Variants in C1orf210 observed in about 807,000 individuals in gnomAD.
C1orf210 encodes chromosome 1 open reading frame 210.
C1orf210 carries 3 observed loss-of-function variants against 3.7 expected under a neutral mutation model. The ratio of observed to expected loss-of-function variants is 0.81; its 90% CI spans 0.37 to 2.08. The LOEUF (loss-of-function observed/expected upper bound fraction) is 2.08. Ranked by LOEUF, C1orf210 falls within the 30% of genes most tolerant of loss-of-function variation. C1orf210 has a pLI of 0.06. For missense variants in C1orf210, 143 were observed against 147.7 expected (o/e 0.97, Z 0.17); for synonymous variants, 62 against 61.7 (o/e 1.00, Z -0.02).
rs148291152 is a variant in C1orf210, at chr1:43,282,878, A to C, written c.249T>G (p.Asp83Glu). The stretch of plus-strand genomic sequence containing the variant: ...CCTCGATGAAGCCATCATCATCCTC[A>C]TCTTCAGCCACCTGTGGGCGGCCTC... ...GRGGRPQVAE[D>E]EDDDGFIEDN... The change falls in exon 3 of 3, where the codon GAT becomes GAG. Residue 83 changes from aspartate (D) to glutamate (E), a missense_variant. By Grantham distance (45) the Asp-to-Glu change is conservative. Transcript: ENST00000523677. The C allele has an allele frequency of 2.1e-4, 340 of 1,613,854 alleles. No individual in the cohort carries two copies. Among genetic ancestry groups the C allele is most frequent in the Non-Finnish European group, 2.7e-4 (316 of 1,179,896 alleles).
chr1:43,282,513 C>T lies in C1orf210; in HGVS notation c.*272G>A, dbSNP rs753984075. 1.6e-4 allele frequency: 66 copies of T among 401,618 alleles called. No individual in the cohort carries two copies. The highest frequency in any genetic ancestry group is 4.6e-4 in the Admixed American group (11 of 24,154). The allele number at this position is 401,618 out of a possible 1,614,324, so 24.9% of individuals were successfully genotyped here. On this transcript the variant is annotated 3_prime_UTR_variant, in exon 3 of 3. Coordinates refer to ENST00000523677, the MANE Select transcript of C1orf210 (RefSeq NM_182517.3). ...AAGGCAAGAAAAGAAACCAAGAGGCCGAGAGGCATGATCACAGAGGGCCTT... is the reference window on the plus strand; with the variant it reads ...AAGGCAAGAAAAGAAACCAAGAGGCTGAGAGGCATGATCACAGAGGGCCTT...
At chr1:43,285,784 C>T (rs1244841406), upstream of C1orf210, among the ~76,000 whole-genome samples, 1 of 152,160 alleles carries the variant, frequency 6.6e-6, no homozygotes, top group Non-Finnish European at 1.5e-5. Context: ...CTCACCCTCA[C>T]CCCCCAATGC....
chr1:43,283,174 T>G (rs559231611), intron 2 of C1orf210, 67 bp from the exon 3 acceptor site: 1 of 1,598,240 alleles, frequency 6.3e-7, no homozygotes, highest in South Asian at 1.1e-5. Flanking sequence ...CCAAGAGCAG[T>G]GCAGGTAGGG....
rs775253791 is a variant in C1orf210, at chr1:43,283,295, G to A, written c.-25C>T. 1.5e-5 allele frequency: 24 copies of A among 1,613,516 alleles called. No individual in the cohort carries two copies. The highest frequency in any genetic ancestry group is 2.0e-5 in the Non-Finnish European group (24 of 1,179,764). On this transcript the variant is annotated 5_prime_UTR_variant, in exon 2 of 3. Coordinates refer to ENST00000523677, the MANE Select transcript of C1orf210 (RefSeq NM_182517.3). ...TGGAGGGGCCTGATGACACCAGTGA[G>A]TCTCAGCCTCAACCAGAAAGAGCCC... is the stretch of plus-strand genomic sequence containing the variant.
At chr1:43,285,063 G>A (rs1198608506) in intron 1 of C1orf210, among the ~76,000 whole-genome samples, 2 of 152,180 alleles carry the variant, frequency 1.3e-5, no homozygotes, top group Non-Finnish European at 2.9e-5. Flanking sequence ...TTAACGAGGG[G>A]AGCGTGAGAG....
Position 43,282,480 on chromosome 1 carries a change from A to G in C1orf210, c.*305T>C. On this transcript the variant is annotated 3_prime_UTR_variant, in exon 3 of 3. Transcript: ENST00000523677. The stretch of plus-strand genomic sequence containing the variant: ...AGAATAACATTGATTTCGACAGTAA[A>G]GTAGGGGAAGGCAAGAAAAGAAACC... The G allele has an allele frequency of 3.0e-6, 1 of 329,544 alleles. No individual in the cohort carries two copies. The highest frequency in any genetic ancestry group is 5.5e-6 in the Non-Finnish European group (1 of 180,630). The allele number at this position is 329,544 out of a possible 1,614,324, so 20.4% of individuals were successfully genotyped here. A position where few individuals can be genotyped will look rare whatever the true frequency, so the allele number is the denominator to read the frequency against.
chr1:43,282,804 C>T lies in C1orf210; in HGVS notation c.323G>A (p.Arg108Lys). 1 of 1,602,692 alleles carries T rather than the reference C, an allele frequency of 6.2e-7. No individual in the cohort carries two copies. The highest frequency in any genetic ancestry group is 8.5e-7 in the Non-Finnish European group (1 of 1,173,770). ...GGGAGCTCAGAGGGAGAAGTGGTCC[C>T]TGCTACCCTCTGTCCCCAGCTCGCC... ...GTGELGTEGS[R>K]DHFSL is the part of the protein sequence containing the mutation. The change falls in exon 3 of 3, where the codon AGG (arginine) becomes AAG (lysine). Residue 108 changes from arginine to lysine, a missense_variant. Arg to Lys is a conservative substitution (Grantham distance 26). Coordinates refer to ENST00000523677, the MANE Select transcript of C1orf210 (RefSeq NM_182517.3).
chr1:43,282,425 G>A lies in C1orf210; in HGVS notation c.*360C>T, dbSNP rs1646552347. ...GGGACCAATGTGAGCAAAGGTGCCT[G>A]GGGAAACTGCATGGGAAGTGGTGGG... On this transcript the variant is annotated 3_prime_UTR_variant, in exon 3 of 3. Coordinates refer to ENST00000523677, the MANE Select transcript of C1orf210 (RefSeq NM_182517.3). The A allele has an allele frequency of 9.4e-6, 2 of 213,754 alleles. No individual in the cohort carries two copies. The highest frequency in any genetic ancestry group is 4.6e-5 in the African/African-American group (2 of 43,440). 13.2% of individuals were successfully genotyped at this position (213,754 alleles called of 1,614,324 possible). A position where few individuals can be genotyped will look rare whatever the true frequency, so the allele number is the denominator to read the frequency against.
intron 1 of C1orf210, among the ~76,000 whole-genome samples, chr1:43,284,617 C>T (rs1308014238): frequency 2.6e-5 from 4 of 152,120 alleles, no homozygotes; most frequent in African/African-American, 9.7e-5. Context: ...GAGTGATGGG[C>T]CTACAACCCA....
rs755173042 is a variant in C1orf210 at position 43,283,241 on chromosome 1, C to T, written c.19+11G>A. 4.9e-5 allele frequency: 79 copies of T among 1,613,536 alleles called. No homozygotes were observed. The highest frequency in any genetic ancestry group is 6.4e-5 in the Non-Finnish European group (75 of 1,179,616). On this transcript the variant is annotated intron_variant, in intron 2 of 2. Transcript: ENST00000523677. ...GCCCCCCACCCCCATCATCCTCCCA[C>T]TGTCACTCACTTTTGTTTGTCTCAT... is the stretch of plus-strand genomic sequence containing the variant.
In C1orf210 at chr1:43,283,339, C is replaced by T; in HGVS notation, c.-69G>A. The T allele has an allele frequency of 6.3e-7, 1 of 1,589,294 alleles. No individual in the cohort carries two copies. Among genetic ancestry groups the T allele is most frequent in the Non-Finnish European group, 8.6e-7 (1 of 1,169,462 alleles). On this transcript the variant is annotated 5_prime_UTR_variant, in exon 2 of 3. Transcript: ENST00000523677. ...AGAGCCCTGGCTCTGAGGAGGCCCC[C>T]AGATGCCAGGCAGCCCCAGGGCACA... is the stretch of plus-strand genomic sequence containing the variant.
Position 43,283,308 on chromosome 1 carries a change from C to A in C1orf210, c.-38G>T. The A allele has an allele frequency of 6.2e-7, 1 of 1,611,022 alleles. No individual in the cohort carries two copies. ...TGACACCAGTGAGTCTCAGCCTCAA[C>A]CAGAAAGAGCCCTGGCTCTGAGGAG... On this transcript the variant is annotated 5_prime_UTR_variant, in exon 2 of 3. Transcript: ENST00000523677.
chr1:43,282,663 A>G lies in C1orf210; in HGVS notation c.*122T>C. ...GTGTCAGGGAAGTGGGGTTTACTCC[A>G]TCCCTGGCCAACCTTTAAGCCCCAG... On this transcript the variant is annotated 3_prime_UTR_variant, in exon 3 of 3. Coordinates refer to ENST00000523677, the MANE Select transcript of C1orf210 (RefSeq NM_182517.3). The G allele has an allele frequency of 3.1e-6, 3 of 967,426 alleles. No homozygotes were observed. Among genetic ancestry groups the G allele is most frequent in the Non-Finnish European group, 4.6e-6 (3 of 648,118 alleles). The allele number at this position is 967,426 out of a possible 1,614,324, so 59.9% of individuals were successfully genotyped here. A position where few individuals can be genotyped will look rare whatever the true frequency, so the allele number is the denominator to read the frequency against.
chr1:43,282,447 TGGGA>T lies in C1orf210; in HGVS notation c.*334_*337del. The T allele has an allele frequency of 4.3e-6, 1 of 234,260 alleles. No individual in the cohort carries two copies. Among genetic ancestry groups the T allele is most frequent in the Non-Finnish European group, 8.2e-6 (1 of 121,388 alleles). The allele number at this position is 234,260 out of a possible 1,614,324, so 14.5% of individuals were successfully genotyped here. ...CCTGGGGAAACTGCATGGGAAGTGG[TGGGA>T]GGGAGAATAACATTGATTTCGACAG... is the stretch of plus-strand genomic sequence containing the variant. On this transcript the variant is annotated 3_prime_UTR_variant, in exon 3 of 3. Coordinates refer to ENST00000523677, the MANE Select transcript of C1orf210 (RefSeq NM_182517.3).
chr1:43,282,903 C>G lies in C1orf210; in HGVS notation c.224G>C (p.Gly75Ala), dbSNP rs770387193. Reference protein sequence around the residue: ...RHRPLPETGRGGRPQVAEDED... With the variant: ...RHRPLPETGRAGRPQVAEDED... ...ATCTTCAGCCACCTGTGGGCGGCCTCCCCTTCCTGTCTCAGGCAGTGGGCG... is the reference window on the plus strand; with the variant it reads ...ATCTTCAGCCACCTGTGGGCGGCCTGCCCTTCCTGTCTCAGGCAGTGGGCG... Residue 75 changes from glycine to alanine, a missense_variant, in exon 3 of 3, where the codon GGA becomes GCA. Coordinates refer to ENST00000523677, the MANE Select transcript of C1orf210 (RefSeq NM_182517.3). The G allele has an allele frequency of 3.1e-6, 5 of 1,614,170 alleles. No homozygotes were observed. In the Admixed American group the frequency reaches 8.3e-5, roughly 27 times the overall value.
In C1orf210 at chr1:43,282,482, T is replaced by C. The variant is rs961527425; in HGVS notation, c.*303A>G. The C allele has an allele frequency of 1.2e-5, 4 of 331,746 alleles. No homozygotes were observed. In the East Asian group the frequency reaches 2.2e-4, roughly 18 times the overall value. 20.6% of individuals were successfully genotyped at this position (331,746 alleles called of 1,614,324 possible). On this transcript the variant is annotated 3_prime_UTR_variant, in exon 3 of 3. Transcript: ENST00000523677. Reference sequence around the variant, plus strand: ...AATAACATTGATTTCGACAGTAAAGTAGGGGAAGGCAAGAAAAGAAACCAA... The same window carrying C: ...AATAACATTGATTTCGACAGTAAAGCAGGGGAAGGCAAGAAAAGAAACCAA...
intron 2 of C1orf210, 26 bp from the exon 3 acceptor site, chr1:43,283,133 G>C: frequency 6.2e-7 from 1 of 1,604,854 alleles, no homozygotes; most frequent in Non-Finnish European, 8.5e-7. Context: ...CAGCATTATA[G>C]GTGGGCCCCA....
Position 43,283,126 on chromosome 1 carries a change from C to G in C1orf210, c.20-19G>C. On this transcript the variant is annotated intron_variant, in intron 2 of 2. Transcript: ENST00000523677. ...ACAAGTGCTGCAGAGAAAGGGACAG[C>G]ATTATAGGTGGGCCCCAGAGGGGGC... 6.2e-7 allele frequency: 1 copy of G among 1,606,822 alleles called. No individual in the cohort carries two copies. The highest frequency in any genetic ancestry group is 8.5e-7 in the Non-Finnish European group (1 of 1,175,304).
chr1:43,282,719 A>G lies in C1orf210; in HGVS notation c.*66T>C. The G allele has an allele frequency of 6.9e-7, 1 of 1,452,098 alleles. No individual in the cohort carries two copies. Among genetic ancestry groups the G allele is most frequent in the South Asian group, 1.3e-5 (1 of 75,446 alleles). 90.0% of individuals were successfully genotyped at this position (1,452,098 alleles called of 1,614,324 possible). On this transcript the variant is annotated 3_prime_UTR_variant, in exon 3 of 3. Coordinates refer to ENST00000523677, the MANE Select transcript of C1orf210 (RefSeq NM_182517.3). The stretch of plus-strand genomic sequence containing the variant: ...TCTGTCCCTGAGGTTCAAGGCCCCC[A>G]TGTCATAACCACTGTCCTTAAGCTG...
Sources: gnomAD v4.1 joint callset for allele counts (sites outside exome capture counted in the v4.1 genomes callset) on GRCh38, gnomAD v4.1.1 for gene constraint, MANE v1.5 for transcripts, NCBI Gene and HGNC (gene_info 2026-07-23, HGNC 2026-07-21) for gene names.